The following RSRC1 variants were observed in gnomAD, a reference collection of about 807,000 sequenced individuals.
RSRC1 encodes arginine and serine rich coiled-coil 1.
In RSRC1, 39 loss-of-function variants were observed where a neutral mutation model predicts 49.1. The observed-to-expected ratio is 0.79, with a 90% CI of 0.61 to 1.04. RSRC1 has a LOEUF of 1.04. Among genes scored for constraint, RSRC1 ranks in the 50% least tolerant of loss-of-function variants. The pLI is 0.00. For synonymous variants in RSRC1, 143 were observed against 130.8 expected (o/e 1.09, Z -0.63); for missense variants, 388 against 402.4 (o/e 0.96, Z 0.31).
At chr3:158,287,625 A>T (rs1479011235) in intron 4 of RSRC1, among the ~76,000 whole-genome samples, 1 of 152,216 alleles carries the variant, frequency 6.6e-6, no homozygotes, top group Non-Finnish European at 1.5e-5. Context: ...CAAACATTAA[A>T]ATATTATATG....
At chr3:158,394,629 C>A (rs60175462) in intron 6 of RSRC1, among the ~76,000 whole-genome samples, 2 of 151,700 alleles carry the variant, frequency 1.3e-5, no homozygotes, top group East Asian at 3.9e-4. Context: ...TGCAGCTAAC[C>A]AGGGAAGTGA....
intron 1 of RSRC1, among the ~76,000 whole-genome samples, chr3:158,113,988 C>A (rs566382352): frequency 5.9e-5 from 9 of 152,196 alleles, no homozygotes; most frequent in African/African-American, 2.2e-4. Context: ...TGTGCAGAAA[C>A]TCTTTAGTTT....
chr3:158,531,991 T>A (rs1344142414), intron 7 of RSRC1, among the ~76,000 whole-genome samples: 1 of 105,178 alleles, frequency 9.5e-6, no homozygotes, highest in Non-Finnish European at 2.0e-5. Context: ...CATTTCAAAG[T>A]TTTTTATTAT....
intron 7 of RSRC1, among the ~76,000 whole-genome samples, chr3:158,508,630 A>T (rs1207228484): frequency 1.3e-5 from 2 of 152,154 alleles, no homozygotes; most frequent in Non-Finnish European, 2.9e-5. Context: ...TAAACAATTC[A>T]TAAGTTTTAA....
intron 3 of RSRC1, among the ~76,000 whole-genome samples, chr3:158,175,726 T>C (rs1224684744): frequency 2.6e-5 from 4 of 151,992 alleles, no homozygotes; most frequent in African/African-American, 9.7e-5. Flanking sequence ...CAGTTCTTTT[T>C]TGTAAGAATA....
intron 7 of RSRC1, chr3:158,496,870 G>A (rs1739352379): frequency 4.7e-6 from 1 of 211,322 alleles, no homozygotes; most frequent in Admixed American, 4.2e-5. Flanking sequence ...AGTAGTTAAG[G>A]ACTATGGCAA....
At chr3:158,517,634 C>T (rs1446515074) in intron 7 of RSRC1, among the ~76,000 whole-genome samples, 1 of 151,098 alleles carries the variant, frequency 6.6e-6, no homozygotes. Context: ...GCTGTGTTGC[C>T]CCAGGTAGAG....
chr3:158,338,406 G>A (rs747428210), intron 5 of RSRC1, among the ~76,000 whole-genome samples: 53 of 152,118 alleles, frequency 3.5e-4, no homozygotes, highest in Non-Finnish European at 7.1e-4. Context: ...AATATCTCTA[G>A]CTTAGACCTT....
intron 3 of RSRC1, among the ~76,000 whole-genome samples, chr3:158,132,996 A>G (rs1344630752): frequency 1.3e-5 from 2 of 152,168 alleles, no homozygotes; most frequent in African/African-American, 2.4e-5. Flanking sequence ...GAATAAACGG[A>G]TATCTGGAAA....
intron 4 of RSRC1, among the ~76,000 whole-genome samples, chr3:158,219,265 G>A (rs1201271087): frequency 6.6e-6 from 1 of 151,518 alleles, no homozygotes; most frequent in Non-Finnish European, 1.5e-5. Context: ...GTGACATCAA[G>A]CATTGTTGGT....
At chr3:158,216,354 A>G (rs1354719277) in intron 4 of RSRC1, among the ~76,000 whole-genome samples, 1 of 150,978 alleles carries the variant, frequency 6.6e-6, no homozygotes, top group Non-Finnish European at 1.5e-5. Context: ...GTATCTGTTG[A>G]GTTCTTAATT....
chr3:158,220,884 C>T (rs895831459), intron 4 of RSRC1, among the ~76,000 whole-genome samples: 9 of 151,414 alleles, frequency 5.9e-5, no homozygotes, highest in African/African-American at 2.2e-4. Flanking sequence ...ATGGATTCTG[C>T]CTTTGCTGTT....
At chr3:158,523,429 A>C (rs1202778594) in intron 7 of RSRC1, among the ~76,000 whole-genome samples, 2 of 152,072 alleles carry the variant, frequency 1.3e-5, no homozygotes, top group Non-Finnish European at 2.9e-5. Flanking sequence ...ATATTACTAT[A>C]GGGATAGACA....
chr3:158,525,713 TCTA>T (rs1444281977), intron 7 of RSRC1, among the ~76,000 whole-genome samples: 1 of 151,966 alleles, frequency 6.6e-6, no homozygotes, highest in African/African-American at 2.4e-5. Flanking sequence ...ATAATAGAAT[TCTA>T]CTAGCATTAC....
intron 4 of RSRC1, among the ~76,000 whole-genome samples, chr3:158,229,612 G>A (rs1190783634): frequency 1.3e-5 from 2 of 150,728 alleles, no homozygotes; most frequent in Non-Finnish European, 3.0e-5. Context: ...GCACTGTGTG[G>A]GAGTTAATAT....
chr3:158,111,536 C>G (rs1272473334), intron 1 of RSRC1, among the ~76,000 whole-genome samples: 2 of 152,136 alleles, frequency 1.3e-5, no homozygotes. Flanking sequence ...AAGAGAGATG[C>G]TTGCAAGTTT....
At chr3:158,245,786 TG>T (rs1200153282) in intron 4 of RSRC1, among the ~76,000 whole-genome samples, 1 of 152,196 alleles carries the variant, frequency 6.6e-6, no homozygotes, top group African/African-American at 2.4e-5. Flanking sequence ...AGAAGGTCTT[TG>T]AAATGTAAGA....
intron 4 of RSRC1, among the ~76,000 whole-genome samples, chr3:158,241,332 C>T (rs951258704): frequency 6.6e-6 from 1 of 151,916 alleles, no homozygotes; most frequent in Admixed American, 6.6e-5. Flanking sequence ...ACCTGTAGTT[C>T]CAGCTACTCA....
chr3:158,518,148 A>ATTTTTTTTT (rs72132266), intron 7 of RSRC1, among the ~76,000 whole-genome samples: 10 of 44,138 alleles, frequency 2.3e-4, no homozygotes, highest in African/African-American at 7.7e-4. Context: ...ATATATATAT[A>ATTTTTTTTT]TTTTTTTTTT....
Sources: allele counts gnomAD v4.1 joint callset (sites outside exome capture counted in the v4.1 genomes callset), GRCh38; gene constraint gnomAD v4.1.1; transcripts MANE v1.5; gene names NCBI Gene and HGNC (gene_info 2026-07-23, HGNC 2026-07-21).